The following NAALADL2 variants were observed in gnomAD, a reference collection of about 807,000 sequenced individuals.
NAALADL2 encodes N-acetylated alpha-linked acidic dipeptidase like 2.
In NAALADL2, 76 loss-of-function variants were observed where a neutral mutation model predicts 87.2. That is an observed-to-expected ratio of 0.87 (90% CI 0.72 to 1.05). The LOEUF (loss-of-function observed/expected upper bound fraction) is 1.05, where lower values mean the gene tolerates loss of function less well. Ranked by LOEUF, NAALADL2 falls within the 50% of genes least tolerant of loss-of-function variation. The pLI, the probability that NAALADL2 is intolerant of heterozygous loss-of-function variation, is 0.00. For synonymous variants in NAALADL2, 354 were observed against 331.0 expected (o/e 1.07, Z -0.75); for missense variants, 1,089 against 945.8 (o/e 1.15, Z -1.99).
chr3:175,166,174 G>A (rs1232479466), intron 2 of NAALADL2, among the ~76,000 whole-genome samples: 2 of 151,578 alleles, frequency 1.3e-5, no homozygotes, highest in Admixed American at 1.3e-4. Context: ...TCATGCCTTA[G>A]AAAATCTTAC....
intron 1 of NAALADL2, among the ~76,000 whole-genome samples, chr3:175,052,981 A>C (rs777394357): frequency 1.3e-5 from 2 of 152,182 alleles, no homozygotes; most frequent in African/African-American, 2.4e-5. Flanking sequence ...ACATCCCCTT[A>C]GGGGACCAAT....
chr3:174,643,471 A>G (rs576347121), intron 2 of NAALADL2, among the ~76,000 whole-genome samples: 1 of 151,984 alleles, frequency 6.6e-6, no homozygotes, highest in Admixed American at 6.6e-5. Flanking sequence ...TGGCCAACAC[A>G]ATGAAACCCT....
chr3:174,666,595 C>T (rs981628737), intron 2 of NAALADL2, among the ~76,000 whole-genome samples: 9 of 152,058 alleles, frequency 5.9e-5, no homozygotes, highest in African/African-American at 2.2e-4. Flanking sequence ...ATGCAACCAG[C>T]CATTGAAAGA....
chr3:175,555,642 CTGT>C (rs1381429482), intron 9 of NAALADL2, among the ~76,000 whole-genome samples: 1 of 152,072 alleles, frequency 6.6e-6, no homozygotes, highest in Non-Finnish European at 1.5e-5. Context: ...TAGTAAATAG[CTGT>C]TGATTGTGCA....
intron 9 of NAALADL2, among the ~76,000 whole-genome samples, chr3:175,514,686 A>G (rs1731609826): frequency 6.6e-6 from 1 of 152,206 alleles, no homozygotes; most frequent in African/African-American, 2.4e-5. Flanking sequence ...AACTCCTGAT[A>G]AAATCTGAAA....
intron 2 of NAALADL2, among the ~76,000 whole-genome samples, chr3:174,653,552 G>T (rs79117168): frequency 0.049 from 7,419 of 152,208 alleles, 270 homozygotes; most frequent in Non-Finnish European, 0.066. Context: ...TGAGCTGAGA[G>T]GCTGGAACTC....
rs1720108892 is a variant in NAALADL2, at chr3:175,091,471, TAC to T, written c.44-5317_44-5316del. The stretch of plus-strand genomic sequence containing the variant: ...GCCTTACGTTTTAAAGCTAATCTGC[TAC>T]AGTCATTCATTTATTTTACTTGTAA... On this transcript the variant is annotated intron_variant, in intron 1 of 13. Transcript: ENST00000454872. 2.0e-5 allele frequency among the ~76,000 whole-genome samples: 3 copies of T among 152,210 alleles called. No individual in the cohort carries two copies. In the South Asian group the frequency reaches 6.2e-4, roughly 32 times the overall value.
intron 3 of NAALADL2, among the ~76,000 whole-genome samples, chr3:174,789,201 G>A (rs1241890200): frequency 6.6e-6 from 1 of 152,152 alleles, no homozygotes; most frequent in East Asian, 1.9e-4. Context: ...GACTGGGAGA[G>A]AGCATAACTT....
chr3:175,423,048 T>C (rs1234303690), intron 5 of NAALADL2, among the ~76,000 whole-genome samples: 3 of 111,944 alleles, frequency 2.7e-5, no homozygotes, highest in African/African-American at 1.0e-4. Context: ...TATATATATA[T>C]ATATTTTTTT....
chr3:175,650,216 C>A (rs1730577598), intron 11 of NAALADL2, among the ~76,000 whole-genome samples: 1 of 152,060 alleles, frequency 6.6e-6, no homozygotes, highest in South Asian at 2.1e-4. Context: ...AAACCAGATG[C>A]AAAAGGTGAC....
At chr3:175,616,309 TTAAA>T (rs1560855493) in intron 10 of NAALADL2, among the ~76,000 whole-genome samples, 3 of 148,748 alleles carry the variant, frequency 2.0e-5, no homozygotes, top group South Asian at 2.1e-4. Context: ...AAATAAATGT[TTAAA>T]TAAATCTAAA....
intron 2 of NAALADL2, among the ~76,000 whole-genome samples, chr3:174,618,898 A>G (rs1449468336): frequency 1.3e-5 from 2 of 151,912 alleles, no homozygotes; most frequent in African/African-American, 2.4e-5. Context: ...GCTAACCACA[A>G]TTTTTAGTAA....
chr3:175,114,319 A>T (rs1375714210), intron 2 of NAALADL2, among the ~76,000 whole-genome samples: 5 of 151,762 alleles, frequency 3.3e-5, no homozygotes, highest in African/African-American at 1.2e-4. Flanking sequence ...TACAGCAAAA[A>T]TAACTCTAAT....
intron 10 of NAALADL2, among the ~76,000 whole-genome samples, chr3:175,588,853 C>T (rs1033655563): frequency 6.6e-6 from 1 of 152,006 alleles, no homozygotes; most frequent in Non-Finnish European, 1.5e-5. Flanking sequence ...ACTTTCTAAG[C>T]AAAGAAATAC....
intron 5 of NAALADL2, among the ~76,000 whole-genome samples, chr3:175,367,448 G>A (rs1581602863): frequency 6.6e-6 from 1 of 152,044 alleles, no homozygotes; most frequent in African/African-American, 2.4e-5. Context: ...ATTACCTGGG[G>A]CAATACGGCC....
chr3:175,478,743 G>A (rs1037906859), intron 9 of NAALADL2, among the ~76,000 whole-genome samples: 3 of 151,856 alleles, frequency 2.0e-5, no homozygotes, highest in Non-Finnish European at 4.4e-5. Flanking sequence ...TTGAAAGAGT[G>A]ACTGTTTACT....
At chr3:175,048,246 T>C (rs1177994679) in intron 1 of NAALADL2, among the ~76,000 whole-genome samples, 1 of 152,182 alleles carries the variant, frequency 6.6e-6, no homozygotes, top group African/African-American at 2.4e-5. Flanking sequence ...CAGGAAAATA[T>C]CTTTTAGAGT....
chr3:175,142,611 T>A (rs1049261676), intron 2 of NAALADL2, among the ~76,000 whole-genome samples: 3 of 152,068 alleles, frequency 2.0e-5, no homozygotes, highest in Admixed American at 6.6e-5. Flanking sequence ...ACTGCACTTT[T>A]TTTTTTAAAA....
chr3:175,270,007 A>AT (rs1284203321), intron 4 of NAALADL2, among the ~76,000 whole-genome samples: 3 of 152,184 alleles, frequency 2.0e-5, no homozygotes, highest in African/African-American at 7.2e-5. Context: ...ATCATACTAT[A>AT]TTTTTCATTT....
Sources: gnomAD v4.1 joint callset for allele counts (sites outside exome capture counted in the v4.1 genomes callset) on GRCh38, gnomAD v4.1.1 for gene constraint, MANE v1.5 for transcripts, NCBI Gene and HGNC (gene_info 2026-07-23, HGNC 2026-07-21) for gene names.